Variants in NTM observed in about 807,000 individuals in gnomAD.
NTM encodes neurotrimin.
Under a neutral mutation model 42.1 loss-of-function variants are expected in NTM, and 13 were observed. That is an observed-to-expected ratio of 0.31 (90% CI 0.20 to 0.49). NTM has a LOEUF of 0.49. NTM is among the 20% of genes least tolerant of loss of function. The pLI is 0.99. For missense variants in NTM, 373 were observed against 452.8 expected (o/e 0.82, Z 1.60); for synonymous variants, 187 against 179.2 (o/e 1.04, Z -0.35).
intron 1 of NTM, among the ~76,000 whole-genome samples, chr11:131,552,149 G>A (rs1421879117): frequency 2.0e-5 from 3 of 152,154 alleles, no homozygotes. Context: ...AAAAGAGCTG[G>A]AAGGGAGAGA....
intron 1 of NTM, among the ~76,000 whole-genome samples, chr11:131,878,590 AAAAAATATATATATATATATAT>A (rs1337817039): frequency 1.3e-4 from 4 of 31,478 alleles, no homozygotes; most frequent in African/African-American, 4.4e-4. Flanking sequence ...AAAAAAAAAA[AAAAAATATATATATATATATAT>A]ATATATATAT....
intron 1 of NTM, among the ~76,000 whole-genome samples, chr11:131,670,103 C>G (rs1446285736): frequency 1.3e-5 from 2 of 152,130 alleles, no homozygotes; most frequent in African/African-American, 4.8e-5. Flanking sequence ...TTAATTGTCT[C>G]TGACTCCTCA....
intron 1 of NTM, among the ~76,000 whole-genome samples, chr11:131,597,295 C>T (rs773245313): frequency 5.9e-4 from 90 of 152,162 alleles, no homozygotes; most frequent in Non-Finnish European, 1.2e-3. Flanking sequence ...CTGTCTTCCT[C>T]TGTCTACCCC....
chr11:131,789,523 AG>A (rs1184762572), intron 1 of NTM, among the ~76,000 whole-genome samples: 1 of 24,902 alleles, frequency 4.0e-5, no homozygotes, highest in Non-Finnish European at 6.8e-5. Context: ...AAGAAGAAGA[AG>A]AAGAAGAAGA....
At chr11:131,691,211 G>T (rs903637353) in intron 1 of NTM, among the ~76,000 whole-genome samples, 2 of 152,170 alleles carry the variant, frequency 1.3e-5, no homozygotes, top group African/African-American at 4.8e-5. Flanking sequence ...CCGTCCCCCC[G>T]CAGTGCCAGG....
rs1219696468 is a variant in NTM at position 132,117,048 on chromosome 11, C to T, written c.168-29234C>T. Among the ~76,000 whole-genome samples, 9 of 152,126 alleles carry T rather than the reference C, an allele frequency of 5.9e-5. 1 individual carries two copies. Among genetic ancestry groups the T allele is most frequent in the Non-Finnish European group, 1.3e-4 (9 of 68,026 alleles). ...TGATCAAGGCAGACTCTCATCAGCC[C>T]CCAAAGTCATAGAAGTCCAAAGTTC... is the stretch of plus-strand genomic sequence containing the variant. On this transcript the variant is annotated intron_variant, in intron 2 of 8. Transcript: ENST00000683400.
intron 1 of NTM, among the ~76,000 whole-genome samples, chr11:131,869,434 A>G (rs1327331320): frequency 6.6e-6 from 1 of 152,210 alleles, no homozygotes; most frequent in Non-Finnish European, 1.5e-5. Flanking sequence ...GAAGCAATAT[A>G]AGAGTGAAGA....
At chr11:131,568,082 C>T (rs141644483) in intron 1 of NTM, among the ~76,000 whole-genome samples, 134 of 152,298 alleles carry the variant, frequency 8.8e-4, no homozygotes, top group African/African-American at 3.0e-3. Flanking sequence ...AGAATCCTCT[C>T]GACAGCCGAA....
chr11:132,026,144 G>C (rs185372990), intron 2 of NTM, among the ~76,000 whole-genome samples: 1 of 152,282 alleles, frequency 6.6e-6, no homozygotes, highest in East Asian at 1.9e-4. Context: ...TGAATGCGGT[G>C]CATTTTGCAG....
At chr11:132,293,713 G>T (rs913068381) in intron 4 of NTM, among the ~76,000 whole-genome samples, 1 of 151,388 alleles carries the variant, frequency 6.6e-6, no homozygotes, top group Non-Finnish European at 1.5e-5. Context: ...AAATAATTGA[G>T]TATCAATCAA....
Position 131,432,888 on chromosome 11 carries a change from CTGTT to C in NTM, c.82+62003_82+62006del, listed in dbSNP as rs1268978322. ...TTTTTTTTTGAGACGGAGTCTCACT[CTGTT>C]TGCCCAGGCTGGAGTGCGGTGGCGC... On this transcript the variant is annotated intron_variant, in intron 1 of 8. Coordinates refer to ENST00000683400, the MANE Select transcript of NTM (RefSeq NM_001352005.2). 3.6e-4 allele frequency among the ~76,000 whole-genome samples: 36 copies of C among 100,106 alleles called. 1 individual carries two copies. The highest frequency in any genetic ancestry group is 6.8e-3 in the Middle Eastern group (1 of 148). 65.7% of individuals were successfully genotyped at this position (100,106 alleles called of 152,430 possible).
At chr11:131,812,779 G>A (rs1156640747) in intron 1 of NTM, among the ~76,000 whole-genome samples, 1 of 152,154 alleles carries the variant, frequency 6.6e-6, no homozygotes, top group African/African-American at 2.4e-5. Flanking sequence ...GAAGTGGAGA[G>A]GGAAGATGAC....
intron 1 of NTM, among the ~76,000 whole-genome samples, chr11:131,434,290 T>C (rs1256142615): frequency 6.6e-6 from 1 of 152,364 alleles, no homozygotes; most frequent in African/African-American, 2.4e-5. Context: ...TATAATCCTT[T>C]GGGTATATAC....
At chr11:132,328,448 A>G (rs1204262936) in intron 7 of NTM, among the ~76,000 whole-genome samples, 3 of 151,678 alleles carry the variant, frequency 2.0e-5, no homozygotes, top group Non-Finnish European at 4.4e-5. Context: ...AGAGAAAAAA[A>G]CCCCATCTGG....
intron 3 of NTM, among the ~76,000 whole-genome samples, chr11:132,194,814 C>CTTTTT (rs902871492): frequency 2.1e-4 from 23 of 110,646 alleles, no homozygotes; most frequent in Non-Finnish European, 2.6e-4. Flanking sequence ...GCATTTCTTC[C>CTTTTT]TTTTTTTTTT....
At chr11:131,722,400 A>C (rs754111753) in intron 1 of NTM, among the ~76,000 whole-genome samples, 1 of 152,204 alleles carries the variant, frequency 6.6e-6, no homozygotes, top group Non-Finnish European at 1.5e-5. Context: ...ACTTTTGGTG[A>C]GACTGCTTTC....
intron 1 of NTM, among the ~76,000 whole-genome samples, chr11:131,394,847 G>C (rs985648596): frequency 2.0e-5 from 3 of 152,080 alleles, no homozygotes; most frequent in African/African-American, 7.2e-5. Context: ...AAATATTTGC[G>C]GGGTGTCAAT....
intron 2 of NTM, among the ~76,000 whole-genome samples, chr11:132,137,786 G>T (rs1377309831): frequency 6.6e-6 from 1 of 152,028 alleles, no homozygotes; most frequent in Non-Finnish European, 1.5e-5. Flanking sequence ...CCCCAACCCC[G>T]ACTCCTGCCA....
intron 1 of NTM, among the ~76,000 whole-genome samples, chr11:131,691,146 G>A (rs1023336843): frequency 6.6e-6 from 1 of 152,174 alleles, no homozygotes; most frequent in Non-Finnish European, 1.5e-5. Flanking sequence ...TGCAGCCCCC[G>A]GAGGGCGCAC....
Sources: gnomAD v4.1 joint callset for allele counts (sites outside exome capture counted in the v4.1 genomes callset) on GRCh38, gnomAD v4.1.1 for gene constraint, MANE v1.5 for transcripts, NCBI Gene and HGNC (gene_info 2026-07-23, HGNC 2026-07-21) for gene names.